Variants in SNCAIP observed in about 807,000 individuals in gnomAD.
SNCAIP encodes the protein synphilin-1.
Under a neutral mutation model 86.7 loss-of-function variants are expected in SNCAIP, and 43 were observed. The observed-to-expected ratio is 0.50, with a 90% CI of 0.39 to 0.64. The LOEUF (loss-of-function observed/expected upper bound fraction) is 0.64. Among genes scored for constraint, SNCAIP ranks in the 30% least tolerant of loss-of-function variants. The pLI, the probability that SNCAIP is intolerant of heterozygous loss-of-function variation, is 0.00. For missense variants in SNCAIP, 981 were observed against 1,103.1 expected (o/e 0.89, Z 1.57); for synonymous variants, 417 against 427.2 (o/e 0.98, Z 0.29).
chr5:122,450,833 G>A lies in SNCAIP; in HGVS notation c.1986G>A (p.Leu662=). 1 of 1,614,148 alleles carries A rather than the reference G, an allele frequency of 6.2e-7. No homozygotes were observed. Among genetic ancestry groups the A allele is most frequent in the Non-Finnish European group, 8.5e-7 (1 of 1,180,018 alleles). ...SKKIPLEKRE[L]KLARLRQLMQ... ...AGATCCCACTGGAGAAGAGGGAACTGAAGTTAGCCAGGCTGAGACAGCTGA... is the reference window on the plus strand; with the variant it reads ...AGATCCCACTGGAGAAGAGGGAACTAAAGTTAGCCAGGCTGAGACAGCTGA... The change falls in exon 10 of 11, where the codon CTG becomes CTA. Residue 662 remains leucine (L), a synonymous_variant. Transcript: ENST00000261368.
At chr5:122,352,267 C>T (rs771419578) in intron 1 of SNCAIP, among the ~76,000 whole-genome samples, 15 of 152,062 alleles carry the variant, frequency 9.9e-5, no homozygotes, top group Non-Finnish European at 7.4e-5. Flanking sequence ...CAAAGTTTCC[C>T]GTGATTTTTA....
At chr5:122,360,831 C>G (rs1324581541) in intron 1 of SNCAIP, among the ~76,000 whole-genome samples, 1 of 151,968 alleles carries the variant, frequency 6.6e-6, no homozygotes. Flanking sequence ...TGAAATGTCT[C>G]TAGGTATACT....
intron 10 of SNCAIP, among the ~76,000 whole-genome samples, chr5:122,452,559 A>G (rs986320563): frequency 1.3e-5 from 2 of 152,234 alleles, no homozygotes; most frequent in African/African-American, 4.8e-5. Flanking sequence ...TATTTCTCTA[A>G]TAAGTTGAAC....
rs1280767779 is a variant in SNCAIP at position 122,451,565 on chromosome 5, C to A, written c.2718C>A (p.Asn906Lys). The part of the protein sequence containing the change: ...SLGRKTDAKG[N>K]PASSASKGKN... ...GGAGGAAGACAGATGCCAAGGGAAA[C>A]CCTGCCAGCTCCGCTAGCAAAGGAA... Residue 906 changes from asparagine to lysine, a missense_variant, in exon 10 of 11, where the codon AAC (asparagine) becomes AAA (lysine). Transcript: ENST00000261368. The A allele has an allele frequency of 6.8e-6, 11 of 1,613,404 alleles. No homozygotes were observed. The highest frequency in any genetic ancestry group is 9.3e-6 in the Non-Finnish European group (11 of 1,179,676).
intron 1 of SNCAIP, among the ~76,000 whole-genome samples, chr5:122,374,705 G>A (rs968912866): frequency 6.6e-6 from 1 of 152,082 alleles, no homozygotes; most frequent in Non-Finnish European, 1.5e-5. Flanking sequence ...AGACAATACT[G>A]AGAGTTCTAA....
intron 10 of SNCAIP, among the ~76,000 whole-genome samples, chr5:122,461,889 G>A (rs946718100): frequency 2.0e-5 from 3 of 151,942 alleles, no homozygotes; most frequent in Non-Finnish European, 1.5e-5. Context: ...AGCTGGTCTC[G>A]AACTCCTGAC....
intron 9 of SNCAIP, 123 bp downstream of exon 9, chr5:122,450,060 G>T (rs1783381932): frequency 1.4e-6 from 1 of 728,242 alleles, no homozygotes; most frequent in Non-Finnish European, 2.3e-6. Flanking sequence ...TTATAAAGAG[G>T]AATAAAAATG....
At chr5:122,415,600 T>C (rs543380831) in intron 3 of SNCAIP, among the ~76,000 whole-genome samples, 1 of 152,348 alleles carries the variant, frequency 6.6e-6, no homozygotes, top group South Asian at 2.1e-4. Flanking sequence ...GCAGGGATTT[T>C]TCAGCCTGTG....
intron 5 of SNCAIP, 40 bp downstream of exon 5, chr5:122,425,571 G>T (rs1048813138): frequency 1.2e-5 from 19 of 1,548,102 alleles, no homozygotes; most frequent in Non-Finnish European, 1.6e-5. Flanking sequence ...GCTAGAAGCT[G>T]GATTTCTATT....
intron 1 of SNCAIP, among the ~76,000 whole-genome samples, chr5:122,361,608 C>A (rs1227135719): frequency 6.6e-6 from 1 of 152,108 alleles, no homozygotes; most frequent in Non-Finnish European, 1.5e-5. Context: ...GATTTTACAT[C>A]CCTATGTAAC....
chr5:122,417,244 A>C (rs1009808757), intron 3 of SNCAIP, among the ~76,000 whole-genome samples: 2 of 152,180 alleles, frequency 1.3e-5, no homozygotes, highest in African/African-American at 4.8e-5. Flanking sequence ...CTGTGTCAGC[A>C]ATCAGCATAG....
At chr5:122,363,769 A>C (rs1438060663) in intron 1 of SNCAIP, among the ~76,000 whole-genome samples, 3 of 150,556 alleles carry the variant, frequency 2.0e-5, no homozygotes, top group Non-Finnish European at 4.4e-5. Flanking sequence ...CATCTGAAAA[A>C]ATAAGCATTT....
chr5:122,323,613 T>A (rs941671102), intron 1 of SNCAIP, among the ~76,000 whole-genome samples: 10 of 152,228 alleles, frequency 6.6e-5, no homozygotes, highest in African/African-American at 2.4e-4. Flanking sequence ...CTAGAACTCC[T>A]GGATAAAATA....
At chr5:122,435,998 C>G (rs750346112) in intron 6 of SNCAIP, among the ~76,000 whole-genome samples, 2 of 152,064 alleles carry the variant, frequency 1.3e-5, no homozygotes, top group Non-Finnish European at 2.9e-5. Context: ...AGGCAGTTAA[C>G]TGTGATTTCT....
intron 8 of SNCAIP, among the ~76,000 whole-genome samples, chr5:122,449,598 GACTT>G (rs1561799500): frequency 1.3e-5 from 2 of 152,014 alleles, no homozygotes; most frequent in South Asian, 2.1e-4. Flanking sequence ...TGTTCACTGA[GACTT>G]ACTGCTAAGC....
intron 2 of SNCAIP, among the ~76,000 whole-genome samples, chr5:122,397,221 C>T (rs1277933420): frequency 2.0e-5 from 3 of 152,058 alleles, no homozygotes; most frequent in Admixed American, 1.3e-4. Context: ...GTAACCACTG[C>T]GTTGAAAATT....
At chr5:122,428,130 A>G (rs1342705214) in intron 5 of SNCAIP, among the ~76,000 whole-genome samples, 1 of 152,228 alleles carries the variant, frequency 6.6e-6, no homozygotes, top group African/African-American at 2.4e-5. Context: ...CTAGGAATGA[A>G]ATAATCTTAA....
intron 3 of SNCAIP, among the ~76,000 whole-genome samples, chr5:122,410,440 T>C (rs1773884477): frequency 6.6e-6 from 1 of 152,278 alleles, no homozygotes; most frequent in East Asian, 1.9e-4. Context: ...TTCATTTATG[T>C]TTCTGAGAGG....
At chr5:122,444,811 G>A (rs1781925252) in intron 8 of SNCAIP, 79 bp downstream of exon 8, 1 of 1,182,862 alleles carries the variant, frequency 8.5e-7, no homozygotes, top group South Asian at 1.2e-5. Context: ...ATGCTGTGCT[G>A]AGCACTCTTC....
Sources: allele counts gnomAD v4.1 joint callset (sites outside exome capture counted in the v4.1 genomes callset), GRCh38; gene constraint gnomAD v4.1.1; transcripts MANE v1.5; gene names NCBI Gene and HGNC (gene_info 2026-07-23, HGNC 2026-07-21).